The following CDH18 variants were observed in gnomAD, a reference collection of about 807,000 sequenced individuals.
CDH18 encodes the protein cadherin 18.
Under a neutral mutation model 67.9 loss-of-function variants are expected in CDH18, and 31 were observed. The ratio of observed to expected loss-of-function variants is 0.46; its 90% CI spans 0.34 to 0.62. The LOEUF (loss-of-function observed/expected upper bound fraction) is 0.62, where lower values mean the gene tolerates loss of function less well. Ranked by LOEUF, CDH18 falls within the 20% of genes least tolerant of loss-of-function variation. The pLI is 0.01. For missense variants in CDH18, 890 were observed against 975.5 expected, an observed-to-expected ratio of 0.91 and a Z score of 1.17; for synonymous variants, 362 against 347.2, an observed-to-expected ratio of 1.04 and a Z score of -0.48.
chr5:20,332,448 G>A (rs1283293911), intron 1 of CDH18, among the ~76,000 whole-genome samples: 3 of 152,096 alleles, frequency 2.0e-5, no homozygotes, highest in Admixed American at 6.5e-5. Context: ...CCTGGTGAAC[G>A]CTTAAGTCTG....
At chr5:20,311,996 C>T (rs1737040067) in intron 1 of CDH18, among the ~76,000 whole-genome samples, 1 of 152,126 alleles carries the variant, frequency 6.6e-6, no homozygotes, top group Non-Finnish European at 1.5e-5. Flanking sequence ...CACCCACACT[C>T]CCTTGCATAT....
chr5:19,890,430 T>C (rs914779958), intron 2 of CDH18, among the ~76,000 whole-genome samples: 1 of 152,106 alleles, frequency 6.6e-6, no homozygotes, highest in African/African-American at 2.4e-5. Context: ...TTTGGGGGAC[T>C]ACCATTCTGC....
chr5:19,594,125 A>G (rs549624479), intron 6 of CDH18, among the ~76,000 whole-genome samples: 1 of 152,010 alleles, frequency 6.6e-6, no homozygotes, highest in Non-Finnish European at 1.5e-5. Flanking sequence ...GTATATAGAT[A>G]ATGAGTTTTC....
intron 4 of CDH18, among the ~76,000 whole-genome samples, chr5:19,745,785 C>T (rs61599626): frequency 0.041 from 6,236 of 152,028 alleles, 408 homozygotes; most frequent in African/African-American, 0.14. Context: ...GGAAGAAGAC[C>T]TCACTCTCTT....
chr5:19,884,120 T>C, intron 2 of CDH18, among the ~76,000 whole-genome samples: 1 of 152,104 alleles, frequency 6.6e-6, no homozygotes, highest in East Asian at 1.9e-4. Context: ...TTTCTATATA[T>C]TTTCAACTGA....
chr5:19,829,589 C>T (rs1321033580), intron 3 of CDH18, among the ~76,000 whole-genome samples: 1 of 152,102 alleles, frequency 6.6e-6, no homozygotes, highest in African/African-American at 2.4e-5. Context: ...AAAAATGTTC[C>T]ATGCTCATGG....
At chr5:19,957,170 A>C (rs1796332238) in intron 2 of CDH18, among the ~76,000 whole-genome samples, 1 of 152,064 alleles carries the variant, frequency 6.6e-6, no homozygotes, top group South Asian at 2.1e-4. Context: ...TTAAGGAGAA[A>C]TCAGCCCTGG....
At chr5:20,034,370 A>G (rs1294456454) in intron 2 of CDH18, among the ~76,000 whole-genome samples, 1 of 152,034 alleles carries the variant, frequency 6.6e-6, no homozygotes, top group Non-Finnish European at 1.5e-5. Flanking sequence ...TCCCACTTAA[A>G]TTTCAAACAT....
At chr5:19,738,791 C>T (rs967522130) in intron 4 of CDH18, among the ~76,000 whole-genome samples, 2 of 151,988 alleles carry the variant, frequency 1.3e-5, no homozygotes, top group Admixed American at 1.3e-4. Context: ...GGTTACTAGG[C>T]TTTATACCTG....
chr5:20,123,022 A>G (rs1348568526), intron 2 of CDH18, among the ~76,000 whole-genome samples: 1 of 148,192 alleles, frequency 6.7e-6, no homozygotes, highest in Non-Finnish European at 1.5e-5. Flanking sequence ...ATAAGCTATT[A>G]TATATATAAA....
At chr5:19,826,416 GAC>G (rs1431999033) in intron 3 of CDH18, among the ~76,000 whole-genome samples, 2 of 151,988 alleles carry the variant, frequency 1.3e-5, no homozygotes, top group Non-Finnish European at 2.9e-5. Flanking sequence ...CATTCCCTAA[GAC>G]ACAGTCATCA....
chr5:19,777,070 A>G lies in CDH18; in HGVS notation c.229-29834T>C, dbSNP rs142042084. Among the ~76,000 whole-genome samples the G allele has an allele frequency of 5.3e-3, 808 of 152,322 alleles. 4 individuals carry two copies. The highest frequency in any genetic ancestry group is 0.019 in the African/African-American group (771 of 41,566). On this transcript the variant is annotated intron_variant, in intron 3 of 12. Transcript: ENST00000382275. ...CGAGGTGGATGGATCAGTTGAGGTCAGGAGTTCAAGACCAGCATGTCCAAC... is the reference window on the plus strand; with the variant it reads ...CGAGGTGGATGGATCAGTTGAGGTCGGGAGTTCAAGACCAGCATGTCCAAC...
intron 2 of CDH18, among the ~76,000 whole-genome samples, chr5:20,052,946 C>A (rs1741561997): frequency 6.6e-6 from 1 of 151,994 alleles, no homozygotes; most frequent in Admixed American, 6.6e-5. Context: ...GAAATGGAGC[C>A]TGGGCCTGAA....
chr5:20,559,863 G>A (rs1234522499), intron 1 of CDH18, among the ~76,000 whole-genome samples: 1 of 152,092 alleles, frequency 6.6e-6, no homozygotes, highest in Admixed American at 6.6e-5. Flanking sequence ...TTCTCCAAAG[G>A]TAGTAAAATT....
intron 1 of CDH18, among the ~76,000 whole-genome samples, chr5:20,520,386 CAA>C (rs759050589): frequency 2.0e-4 from 30 of 151,888 alleles, no homozygotes; most frequent in Non-Finnish European, 3.7e-4. Context: ...ATCATGCATG[CAA>C]AAGAGAATAT....
intron 7 of CDH18, among the ~76,000 whole-genome samples, chr5:19,583,151 G>A: frequency 6.6e-6 from 1 of 151,854 alleles, no homozygotes; most frequent in East Asian, 1.9e-4. Flanking sequence ...TATAGGCAGG[G>A]ATACACTTGT....
chr5:19,811,687 T>C (rs995445911), intron 3 of CDH18, among the ~76,000 whole-genome samples: 1 of 152,160 alleles, frequency 6.6e-6, no homozygotes, highest in Non-Finnish European at 1.5e-5. Context: ...GACATAGTGG[T>C]AATCCTGAAA....
intron 1 of CDH18, among the ~76,000 whole-genome samples, chr5:20,335,483 T>A (rs1739641722): frequency 6.6e-6 from 1 of 152,098 alleles, no homozygotes; most frequent in African/African-American, 2.4e-5. Context: ...CCTCAAGTGA[T>A]CCTCCCACCT....
At chr5:20,332,198 C>T (rs943862543) in intron 1 of CDH18, among the ~76,000 whole-genome samples, 2 of 152,164 alleles carry the variant, frequency 1.3e-5, no homozygotes, top group Non-Finnish European at 2.9e-5. Flanking sequence ...AATTCTTATT[C>T]AAAAGTTATG....
Sources: allele counts gnomAD v4.1 joint callset (sites outside exome capture counted in the v4.1 genomes callset), GRCh38; gene constraint gnomAD v4.1.1; transcripts MANE v1.5; gene names NCBI Gene and HGNC (gene_info 2026-07-23, HGNC 2026-07-21).